THSD7B: variants seen among roughly 807,000 people sequenced by gnomAD.
The protein encoded by THSD7B is thrombospondin type-1 domain-containing protein 7B.
Under a neutral mutation model 213.6 loss-of-function variants are expected in THSD7B, and 138 were observed. The ratio of observed to expected loss-of-function variants is 0.65; its 90% CI spans 0.56 to 0.74. The LOEUF (loss-of-function observed/expected upper bound fraction) is 0.74, where lower values mean the gene tolerates loss of function less well. Among genes scored for constraint, THSD7B ranks in the 30% least tolerant of loss-of-function variants. THSD7B has a pLI of 0.00. For missense variants in THSD7B, 1,931 were observed against 1,991.5 expected (o/e 0.97, Z 0.58); for synonymous variants, 742 against 687.0 (o/e 1.08, Z -1.25).
At chr2:136,772,017 G>T (rs1005910064) in intron 1 of THSD7B, among the ~76,000 whole-genome samples, 1 of 152,100 alleles carries the variant, frequency 6.6e-6, no homozygotes, top group African/African-American at 2.4e-5. Context: ...ATGTTGCAAA[G>T]TAGGTACTGT....
At chr2:137,314,086 A>G (rs889458700) in intron 12 of THSD7B, among the ~76,000 whole-genome samples, 25 of 152,160 alleles carry the variant, frequency 1.6e-4, no homozygotes, top group African/African-American at 6.0e-4. Flanking sequence ...CTCCTGGATA[A>G]TATCCTGCAG....
intron 2 of THSD7B, among the ~76,000 whole-genome samples, chr2:137,043,607 G>A (rs1047108165): frequency 6.6e-6 from 1 of 152,120 alleles, no homozygotes; most frequent in South Asian, 2.1e-4. Flanking sequence ...GGAGGTGTGT[G>A]GCAGAAGCAG....
chr2:137,055,219 G>T (rs1452456649), intron 2 of THSD7B, among the ~76,000 whole-genome samples: 2 of 152,092 alleles, frequency 1.3e-5, no homozygotes, highest in African/African-American at 4.8e-5. Flanking sequence ...CTTTGCTATT[G>T]TGAATAGTGC....
chr2:137,059,317 C>G (rs571350558), intron 3 of THSD7B, among the ~76,000 whole-genome samples: 146 of 152,248 alleles, frequency 9.6e-4, no homozygotes, highest in Middle Eastern at 6.8e-3. Flanking sequence ...TTTGGAGGAA[C>G]ACAATTCAGT....
At chr2:137,256,219 G>A (rs146498723) in intron 10 of THSD7B, among the ~76,000 whole-genome samples, 6 of 152,222 alleles carry the variant, frequency 3.9e-5, no homozygotes, top group Admixed American at 6.5e-5. Context: ...TTTTTCTAGG[G>A]CTTACTGTAT....
chr2:137,644,857 C>T (rs1200792147), intron 21 of THSD7B, among the ~76,000 whole-genome samples: 6 of 152,228 alleles, frequency 3.9e-5, no homozygotes, highest in Non-Finnish European at 7.4e-5. Context: ...AATAAAAGCT[C>T]GCGTGGGCAC....
intron 3 of THSD7B, among the ~76,000 whole-genome samples, chr2:137,081,085 A>AT (rs933620301): frequency 6.6e-6 from 1 of 151,824 alleles, no homozygotes; most frequent in Non-Finnish European, 1.5e-5. Flanking sequence ...TAATTTTTTT[A>AT]TTTTTTGCAT....
intron 15 of THSD7B, among the ~76,000 whole-genome samples, chr2:137,559,144 G>A (rs1319397501): frequency 1.3e-5 from 2 of 152,190 alleles, no homozygotes; most frequent in African/African-American, 4.8e-5. Flanking sequence ...ACTGCCCAAG[G>A]TAATTTATAG....
intron 10 of THSD7B, among the ~76,000 whole-genome samples, chr2:137,257,076 C>A (rs564754589): frequency 6.6e-6 from 1 of 152,102 alleles, no homozygotes; most frequent in Non-Finnish European, 1.5e-5. Flanking sequence ...ACGGGTCCCA[C>A]TCCCGTGATC....
intron 1 of THSD7B, among the ~76,000 whole-genome samples, chr2:136,841,315 A>T (rs1014715654): frequency 5.3e-5 from 8 of 152,022 alleles, no homozygotes; most frequent in Non-Finnish European, 1.2e-4. Context: ...ATGAAAAAAG[A>T]CCGGGCGCAG....
At chr2:137,536,005 T>G (rs564314139) in intron 15 of THSD7B, among the ~76,000 whole-genome samples, 6 of 150,884 alleles carry the variant, frequency 4.0e-5, no homozygotes, top group African/African-American at 1.5e-4. Flanking sequence ...TTTGGGTTAT[T>G]TAGGGACCTA....
chr2:137,432,172 C>T (rs1039118481), intron 14 of THSD7B, among the ~76,000 whole-genome samples: 10 of 152,146 alleles, frequency 6.6e-5, no homozygotes, highest in Non-Finnish European at 1.5e-5. Flanking sequence ...GTGGGTGGAT[C>T]ACGAGGTCAG....
intron 12 of THSD7B, among the ~76,000 whole-genome samples, chr2:137,348,139 T>C (rs984642927): frequency 6.6e-6 from 1 of 151,692 alleles, no homozygotes; most frequent in Admixed American, 6.6e-5. Context: ...AAGAAAGATA[T>C]TATGAAAGAA....
At chr2:137,292,961 G>A (rs986653463) in intron 12 of THSD7B, among the ~76,000 whole-genome samples, 1 of 151,948 alleles carries the variant, frequency 6.6e-6, no homozygotes, top group Non-Finnish European at 1.5e-5. Flanking sequence ...TTAGTTTGTG[G>A]AACTATGAAT....
chr2:137,279,703 T>C (rs550574112), intron 12 of THSD7B, among the ~76,000 whole-genome samples: 2 of 152,280 alleles, frequency 1.3e-5, no homozygotes, highest in South Asian at 2.1e-4. Context: ...ATGAAGAAGC[T>C]TCTGCTGTCA....
chr2:137,409,926 T>C (rs1686610576), intron 13 of THSD7B, among the ~76,000 whole-genome samples: 1 of 152,218 alleles, frequency 6.6e-6, no homozygotes, highest in South Asian at 2.1e-4. Flanking sequence ...TGTTGTTGTT[T>C]GTTTGTTGCT....
intron 1 of THSD7B, among the ~76,000 whole-genome samples, chr2:136,858,665 A>G (rs1337318386): frequency 6.6e-6 from 1 of 152,210 alleles, no homozygotes; most frequent in Non-Finnish European, 1.5e-5. Context: ...TATTATTTTT[A>G]TATTCCTTTC....
intron 7 of THSD7B, among the ~76,000 whole-genome samples, chr2:137,187,251 C>T (rs1680568543): frequency 6.6e-6 from 1 of 152,148 alleles, no homozygotes; most frequent in Non-Finnish European, 1.5e-5. Flanking sequence ...GACAGCATGG[C>T]TTCTCCAGGG....
At chr2:137,198,156 T>A (rs1467287633) in intron 7 of THSD7B, among the ~76,000 whole-genome samples, 1 of 152,212 alleles carries the variant, frequency 6.6e-6, no homozygotes, top group Non-Finnish European at 1.5e-5. Flanking sequence ...GTCTACATAG[T>A]CATTTATCAG....
Sources: allele counts gnomAD v4.1 joint callset (sites outside exome capture counted in the v4.1 genomes callset), GRCh38; gene constraint gnomAD v4.1.1; transcripts MANE v1.5; gene names NCBI Gene and HGNC (gene_info 2026-07-23, HGNC 2026-07-21).